Variants in PLXNB3 observed in about 807,000 individuals in gnomAD.
PLXNB3 encodes the protein plexin B3, also known as plexin-B3.
Under a neutral mutation model 125.7 loss-of-function variants are expected in PLXNB3, and 80 were observed. The observed-to-expected ratio is 0.64, with a 90% CI of 0.53 to 0.77. The LOEUF (loss-of-function observed/expected upper bound fraction) is 0.77, where lower values mean the gene tolerates loss of function less well. PLXNB3 is among the 30% of genes least tolerant of loss of function. The probability of loss-of-function intolerance (pLI) is 0.00; values close to 1 mark genes in which losing one functional copy is unlikely to be tolerated. For missense variants in PLXNB3, 1,836 were observed against 1,729.3 expected (o/e 1.06, Z -1.09); for synonymous variants, 954 against 783.3 (o/e 1.22, Z -3.64).
In PLXNB3 at chrX:153,774,991, GC is replaced by G. The variant is rs1557063545; in HGVS notation, c.4046del (p.Pro1349ArgfsTer62). The stretch of plus-strand genomic sequence containing the variant: ...GCCTTCTTCCCTGGCCATGGCGGTT[GC>G]CCGCTGCAGCCCAAGCCTGAGGGGC... ...ERAFFPGHGG[C>X]PLQPKPEGPG... On this transcript the variant is annotated frameshift_variant, in exon 24 of 36. Coordinates refer to ENST00000361971, the MANE Select transcript of PLXNB3 (RefSeq NM_005393.3). LOFTEE classifies it high-confidence loss of function. The G allele has an allele frequency of 8.3e-7, 1 of 1,201,198 alleles. No homozygotes were observed.
intron 28 of PLXNB3, 24 bp from the exon 29 acceptor site, chrX:153,776,863 G>C (rs1441571136): frequency 5.5e-6 from 6 of 1,100,614 alleles, no homozygotes; most frequent in Middle Eastern, 2.9e-4. Context: ...GGTCAGCACA[G>C]CCTCCGCTCC....
At chrX:153,769,723 G>A in intron 6 of PLXNB3, 84 bp from the exon 7 acceptor site, 3 of 1,021,153 alleles carry the variant, frequency 2.9e-6, no homozygotes, top group African/African-American at 1.9e-5. Flanking sequence ...CACTCCAGCT[G>A]GGCCGGCCTC....
Position 153,773,372 on chromosome X carries a change from C to A in PLXNB3, c.3049C>A (p.Leu1017Ile), listed in dbSNP as rs1557062701. 1 of 1,206,007 alleles carries A rather than the reference C, an allele frequency of 8.3e-7. No individual in the cohort carries two copies. The highest frequency in any genetic ancestry group is 1.8e-5 in the South Asian group (1 of 56,196). ...CTTCCGCTACACCGCCAACCCCCAGCTTGTAGCGGCGGAGCCCAGTGCCAG... is the reference window on the plus strand; with the variant it reads ...CTTCCGCTACACCGCCAACCCCCAGATTGTAGCGGCGGAGCCCAGTGCCAG... ...SPFRYTANPQ[L>I]VAAEPSASFR... Residue 1017 changes from leucine to isoleucine, a missense_variant, in exon 18 of 36, where the codon CTT (leucine) becomes ATT (isoleucine). Physicochemically the swap from Leu to Ile is conservative, Grantham distance 5 (BLOSUM62 2). Transcript: ENST00000361971.
chrX:153,767,599 G>C lies in PLXNB3; in HGVS notation c.772G>C (p.Glu258Gln). The C allele has an allele frequency of 8.4e-7, 1 of 1,188,787 alleles. No individual in the cohort carries two copies. Among genetic ancestry groups the C allele is most frequent in the Non-Finnish European group, 1.1e-6 (1 of 884,637 alleles). The change falls in exon 3 of 36, where the codon GAG becomes CAG. Residue 258 changes from glutamate (E) to glutamine (Q), a missense_variant. Glu to Gln is a conservative substitution (Grantham distance 29). Coordinates refer to ENST00000361971, the MANE Select transcript of PLXNB3 (RefSeq NM_005393.3). ...CCGCCGCGGGGCCCGGGCCCAGGCT[G>C]AGTACCGCTCCTACGTGGCCCGCGT... ...FRRRGARAQA[E>Q]YRSYVARVCL...
chrX:153,768,306 C>A lies in PLXNB3; in HGVS notation c.1144C>A (p.Arg382Ser). The A allele has an allele frequency of 8.3e-7, 1 of 1,208,260 alleles. No homozygotes were observed. Among genetic ancestry groups the A allele is most frequent in the Non-Finnish European group, 1.1e-6 (1 of 892,926 alleles). Residue 382 changes from arginine (R) to serine (S), a missense_variant, in exon 4 of 36, where the codon CGC (arginine) becomes AGC (serine). Transcript: ENST00000361971. The part of the protein sequence containing the change: ...DEHTPSPIAG[R>S]QPLEVQPLLK... ...GCACACCCCCAGCCCCATTGCTGGC[C>A]GCCAGCCCCTGGAGGTCCAGCCTCT...
At chrX:153,768,191 C>T (rs1047824377) in intron 3 of PLXNB3, 58 bp from the exon 4 acceptor site, 3 of 1,079,228 alleles carry the variant, frequency 2.8e-6, no homozygotes, top group South Asian at 2.1e-5. Flanking sequence ...CTGGGTACCC[C>T]CCCTGACTGC....
rs782716027 is a variant in PLXNB3, at chrX:153,777,384, G to A, written c.5100+4G>A. On this transcript the variant is annotated splice_donor_region_variant and intron_variant, in intron 30 of 35. Transcript: ENST00000361971. ...CACCCGTCTGCTGTCCATGAAGGTTGGTGCGGCCTGGGTGGCTGGGCCTGA... is the reference window on the plus strand; with the variant it reads ...CACCCGTCTGCTGTCCATGAAGGTTAGTGCGGCCTGGGTGGCTGGGCCTGA... 49 of 1,190,137 alleles carry A rather than the reference G, an allele frequency of 4.1e-5. No individual in the cohort carries two copies. The Admixed American group carries it at 1.0e-3, about 25-fold the overall frequency.
In PLXNB3 at chrX:153,774,520, TG is replaced by T; in HGVS notation, c.3782del (p.Gly1261ValfsTer5). The T allele has an allele frequency of 1.7e-6, 2 of 1,208,668 alleles. No individual in the cohort carries two copies. Among genetic ancestry groups the T allele is most frequent in the Non-Finnish European group, 2.2e-6 (2 of 894,424 alleles). Reference sequence around the variant, plus strand: ...GTGGAGGCCCAGGCAGGCGTGGGCATGGGTGCTGCAGTGCTGATTGCCGCCG... The same window carrying T: ...GTGGAGGCCCAGGCAGGCGTGGGCATGGTGCTGCAGTGCTGATTGCCGCCG... ...FPVEAQAGVG[M>X]GAAVLIAAVL... is the part of the protein sequence containing the mutation. On this transcript the variant is annotated frameshift_variant, in exon 22 of 36. Transcript: ENST00000361971. LOFTEE classifies it high-confidence loss of function.
chrX:153,772,342 G>A (rs2091940526), intron 16 of PLXNB3, 55 bp downstream of exon 16: 1 of 895,025 alleles, frequency 1.1e-6, no homozygotes. Context: ...GGAGGGCCAG[G>A]AAGGACAGGC....
At chrX:153,769,715 C>G in intron 6 of PLXNB3, 92 bp from the exon 7 acceptor site, 1 of 980,208 alleles carries the variant, frequency 1.0e-6, no homozygotes, top group East Asian at 3.4e-5. Context: ...CCCCACTGCA[C>G]TCCAGCTGGG....
Position 153,771,814 on chromosome X carries a change from G to A in PLXNB3, c.2518-50G>A, listed in dbSNP as rs1557061996. On this transcript the variant is annotated intron_variant, in intron 14 of 35. Coordinates refer to ENST00000361971, the MANE Select transcript of PLXNB3 (RefSeq NM_005393.3). ...CTGGCCGGGCACCCAGCACTGCAGA[G>A]TGGAGCGTGGGTGCGGGGGACCCCA... 6 of 1,181,623 alleles carry A rather than the reference G, an allele frequency of 5.1e-6. No homozygotes were observed. The East Asian group carries it at 1.2e-4, about 24-fold the overall frequency.
At chrX:153,771,794 C>A in intron 14 of PLXNB3, 70 bp from the exon 15 acceptor site, 4 of 1,160,407 alleles carry the variant, frequency 3.4e-6, no homozygotes, top group Non-Finnish European at 4.6e-6. Context: ...GTTGGCTGGC[C>A]GGGCACCCAG....
In PLXNB3 at chrX:153,773,366, C is replaced by T; in HGVS notation, c.3043C>T (p.Pro1015Ser). The T allele has an allele frequency of 8.3e-7, 1 of 1,207,993 alleles. No homozygotes were observed. Among genetic ancestry groups the T allele is most frequent in the Non-Finnish European group, 1.1e-6 (1 of 893,822 alleles). The stretch of plus-strand genomic sequence containing the variant: ...CAGCCCCTTCCGCTACACCGCCAAC[C>T]CCCAGCTTGTAGCGGCGGAGCCCAG... The part of the protein sequence containing the change: ...LASPFRYTAN[P>S]QLVAAEPSAS... Residue 1015 changes from proline (P) to serine (S), a missense_variant, in exon 18 of 36, where the codon CCC (proline) becomes TCC (serine). Transcript: ENST00000361971.
At chrX:153,770,476 G>C (rs199724705) in intron 9 of PLXNB3, 30 bp downstream of exon 9, 12 of 1,199,955 alleles carry the variant, frequency 1.0e-5, no homozygotes, top group Admixed American at 2.2e-5. Context: ...TCCTGGGGTA[G>C]GGGTGGCGAC....
chrX:153,769,753 TC>T, intron 6 of PLXNB3, 53 bp from the exon 7 acceptor site: 1 of 1,143,473 alleles, frequency 8.7e-7, no homozygotes, highest in East Asian at 3.2e-5. Context: ...CTGTTGCCGG[TC>T]ATCCTTGGAG....
chrX:153,778,723 C>T lies in PLXNB3; in HGVS notation c.5625+49C>T, dbSNP rs1194831494. 20 of 1,144,795 alleles carry T rather than the reference C, an allele frequency of 1.7e-5. No homozygotes were observed. In the African/African-American group the frequency reaches 1.8e-4, roughly 10 times the overall value. 94.3% of individuals were successfully genotyped at this position (1,144,795 alleles called of 1,213,427 possible). On this transcript the variant is annotated intron_variant, in intron 35 of 35. Transcript: ENST00000361971. ...GGGAGGCACAGTGGAGCGGGAGGCC[C>T]GTGGACCCTCCCGGGGGAGCAGGGG...
At chrX:153,774,608 G>T in intron 22 of PLXNB3, 37 bp downstream of exon 22, 1 of 1,171,508 alleles carries the variant, frequency 8.5e-7, no homozygotes, top group Middle Eastern at 2.4e-4. Flanking sequence ...TTCCCTCCTC[G>T]CCATTGGCAA....
Position 153,777,581 on chromosome X carries a change from C to G in PLXNB3, c.5154C>G (p.Asn1718Lys), listed in dbSNP as rs782202818. 4.8e-5 allele frequency: 58 copies of G among 1,210,562 alleles called. No homozygotes were observed. The highest frequency in any genetic ancestry group is 6.1e-5 in the Non-Finnish European group (55 of 895,146). The change falls in exon 31 of 36, where the codon AAC becomes AAG. Residue 1718 changes from asparagine (N) to lysine (K), a missense_variant. Asn to Lys is a moderately conservative substitution (Grantham distance 94, BLOSUM62 0). Transcript: ENST00000361971. Reference protein sequence around the residue: ...DDTFQAILSVNRPIPIAVKYL... With the variant: ...DDTFQAILSVKRPIPIAVKYL... ...CCTTCCAGGCCATTCTCAGCGTGAACCGGCCCATCCCCATCGCCGTCAAGT... is the reference window on the plus strand; with the variant it reads ...CCTTCCAGGCCATTCTCAGCGTGAAGCGGCCCATCCCCATCGCCGTCAAGT...
rs6643791 is a variant in PLXNB3, at chrX:153,774,047, G to T, written c.3468G>T (p.Glu1156Asp). The T allele has an allele frequency of 8.4e-7, 1 of 1,194,552 alleles. No individual in the cohort carries two copies. Among genetic ancestry groups the T allele is most frequent in the Admixed American group, 2.2e-5 (1 of 45,249 alleles). Reference sequence around the variant, plus strand: ...CCCGCCTGGCACCCCTCAGCCGCGAGGGGCCTGCCCGCCCCTACCGCCTCA... The same window carrying T: ...CCCGCCTGGCACCCCTCAGCCGCGATGGGCCTGCCCGCCCCTACCGCCTCA... ...PNPRLAPLSR[E>D]GPARPYRLKP... is the part of the protein sequence containing the mutation. The change falls in exon 20 of 36, where the codon GAG (glutamate) becomes GAT (aspartate). Residue 1156 changes from glutamate (E) to aspartate (D), a missense_variant. Coordinates refer to ENST00000361971, the MANE Select transcript of PLXNB3 (RefSeq NM_005393.3).
Sources: allele counts gnomAD v4.1 joint callset, GRCh38; gene constraint gnomAD v4.1.1; transcripts MANE v1.5; gene names NCBI Gene and HGNC (gene_info 2026-07-23, HGNC 2026-07-21).